The following ABAT variants were observed in gnomAD, a reference collection of about 807,000 sequenced individuals.
ABAT encodes the protein 4-aminobutyrate aminotransferase.
Under a neutral mutation model 64.6 loss-of-function variants are expected in ABAT, and 45 were observed. The ratio of observed to expected loss-of-function variants is 0.70; its 90% CI spans 0.55 to 0.89. The LOEUF is 0.89. Ranked by LOEUF, ABAT falls within the 40% of genes least tolerant of loss-of-function variation. ABAT has a pLI of 0.00. For missense variants in ABAT, 633 were observed against 658.4 expected (o/e 0.96, Z 0.42); for synonymous variants, 297 against 250.5 (o/e 1.19, Z -1.75).
chr16:8,761,895 C>T (rs1361020873), intron 6 of ABAT, among the ~76,000 whole-genome samples: 1 of 152,232 alleles, frequency 6.6e-6, no homozygotes, highest in Non-Finnish European at 1.5e-5. Context: ...ATGTGACTTC[C>T]TAAAAATGAA....
In ABAT at chr16:8,770,379, C is replaced by T. The variant is rs181275838; in HGVS notation, c.816+1406C>T. 2.9e-3 allele frequency among the ~76,000 whole-genome samples: 445 copies of T among 152,188 alleles called. 1 individual carries two copies. The highest frequency in any genetic ancestry group is 0.01 in the African/African-American group (416 of 41,520). ...GTCTCGATCTCCTGACCTTGTGATCCGCCCGCCTCGGCCTCCCAAAGTGCT... is the reference window on the plus strand; with the variant it reads ...GTCTCGATCTCCTGACCTTGTGATCTGCCCGCCTCGGCCTCCCAAAGTGCT... On this transcript the variant is annotated intron_variant, in intron 11 of 15. Transcript: ENST00000268251.
At position 8,781,812 on chromosome 16, in the gene ABAT, G is replaced by A. The variant is rs1028242419; in HGVS notation, c.*382G>A. 2.8e-6 allele frequency: 1 copy of A among 360,778 alleles called. No homozygotes were observed. The highest frequency in any genetic ancestry group is 5.4e-6 in the Non-Finnish European group (1 of 185,662). 22.3% of individuals were successfully genotyped at this position (360,778 alleles called of 1,614,324 possible). ...GGACTGGCAGCTGGGCCTCCTGGGT[G>A]CCAGTCCATCTCAAGTGCCATATTC... is the stretch of plus-strand genomic sequence containing the variant. On this transcript the variant is annotated 3_prime_UTR_variant, in exon 16 of 16. Coordinates refer to ENST00000268251, the MANE Select transcript of ABAT (RefSeq NM_020686.6). The surrounding 1 kb of genome is among the most constrained non-coding windows in gnomAD (Gnocchi z 4.5).
chr16:8,676,966 G>A (rs1217201231), intron 1 of ABAT, among the ~76,000 whole-genome samples: 1 of 152,196 alleles, frequency 6.6e-6, no homozygotes, highest in Non-Finnish European at 1.5e-5. Flanking sequence ...GGCTCTCTCT[G>A]TTTCTGCCCC....
chr16:8,761,511 A>C (rs2059797359), intron 6 of ABAT, among the ~76,000 whole-genome samples: 1 of 152,184 alleles, frequency 6.6e-6, no homozygotes, highest in African/African-American at 2.4e-5. Context: ...CAATGTGCCA[A>C]GCACTCTTTT....
At chr16:8,716,962 C>T (rs554961042) in intron 1 of ABAT, among the ~76,000 whole-genome samples, 35 of 152,270 alleles carry the variant, frequency 2.3e-4, no homozygotes, top group Non-Finnish European at 4.9e-4. Flanking sequence ...ACTTAGCACA[C>T]ATCCGAAAAA....
rs1158566609 is a variant in ABAT, at chr16:8,776,134, A to G, written c.1123-210A>G. Among the ~76,000 whole-genome samples, 2 of 152,168 alleles carry G rather than the reference A, an allele frequency of 1.3e-5. No homozygotes were observed. The highest frequency in any genetic ancestry group is 3.9e-4 in the East Asian group (2 of 5,194). On this transcript the variant is annotated intron_variant, in intron 13 of 15. Transcript: ENST00000268251. The surrounding 1 kb of genome is among the most constrained non-coding windows in gnomAD (Gnocchi z 4.4). ...TCCTACATGCAGGGCTGCTGTTGGA[A>G]GAATTCAGCAAGATTGGGTGTGTTC...
chr16:8,749,871 G>A (rs930120535), intron 4 of ABAT, among the ~76,000 whole-genome samples: 3 of 151,826 alleles, frequency 2.0e-5, no homozygotes, highest in South Asian at 2.1e-4. Flanking sequence ...GCACCACCAC[G>A]CCTGGCTAAT....
At chr16:8,696,593 C>T (rs2057708007) in intron 1 of ABAT, among the ~76,000 whole-genome samples, 1 of 152,130 alleles carries the variant, frequency 6.6e-6, no homozygotes, top group African/African-American at 2.4e-5. Context: ...GTACTCCAGC[C>T]TGGGTGACAC....
chr16:8,751,307 C>T (rs999422152), intron 5 of ABAT, among the ~76,000 whole-genome samples: 18 of 151,830 alleles, frequency 1.2e-4, no homozygotes, highest in South Asian at 4.2e-4. Flanking sequence ...AGGCTGGTCT[C>T]GAACTCCTGG....
chr16:8,713,952 T>G (rs1000948482), intron 1 of ABAT: 2 of 455,480 alleles, frequency 4.4e-6, no homozygotes, highest in African/African-American at 4.0e-5. Context: ...CCAGTGTCTG[T>G]CAGTGCCTGT....
intron 1 of ABAT, among the ~76,000 whole-genome samples, chr16:8,676,690 G>A (rs2057210268): frequency 6.6e-6 from 1 of 152,240 alleles, no homozygotes; most frequent in East Asian, 1.9e-4. Flanking sequence ...AGATGCTGGA[G>A]TGGAGGCTAC....
chr16:8,739,200 G>A (rs1187042361), intron 2 of ABAT, among the ~76,000 whole-genome samples: 1 of 152,158 alleles, frequency 6.6e-6, no homozygotes, highest in African/African-American at 2.4e-5. Flanking sequence ...GGCGCATGTG[G>A]CACCATCTTT....
chr16:8,753,553 G>A (rs919842412), intron 5 of ABAT, among the ~76,000 whole-genome samples: 2 of 152,204 alleles, frequency 1.3e-5, no homozygotes, highest in Non-Finnish European at 2.9e-5. Flanking sequence ...AGTAAGGCAC[G>A]CCACATCTGA....
At chr16:8,741,761 G>C (rs1437081004) in intron 2 of ABAT, among the ~76,000 whole-genome samples, 1 of 152,162 alleles carries the variant, frequency 6.6e-6, no homozygotes, top group African/African-American at 2.4e-5. Flanking sequence ...TTGAGATATA[G>C]AAGGAAAAGC....
intron 5 of ABAT, among the ~76,000 whole-genome samples, chr16:8,754,661 GATTTATTT>G (rs140099713): frequency 0.12 from 2,068 of 16,680 alleles, 107 homozygotes; most frequent in East Asian, 0.48. Context: ...TCAGCAAGTT[GATTTATTT>G]ATTTCTTTCT....
chr16:8,780,331 G>C (rs1036191457), intron 15 of ABAT: 1 of 160,524 alleles, frequency 6.2e-6, no homozygotes. Flanking sequence ...GGCAGACGCT[G>C]TGGTGAGATC....
Position 8,764,843 on chromosome 16 carries a change from GCACACACACA to G in ABAT, c.540+26_540+35del, listed in dbSNP as rs35745596. The G allele has an allele frequency of 1.4e-5, 22 of 1,533,208 alleles. No homozygotes were observed. Among genetic ancestry groups the G allele is most frequent in the African/African-American group, 4.2e-5 (3 of 71,728 alleles). 95.0% of individuals were successfully genotyped at this position (1,533,208 alleles called of 1,614,324 possible). On this transcript the variant is annotated intron_variant, in intron 8 of 15. Transcript: ENST00000268251. The surrounding 1 kb of genome is among the most constrained non-coding windows in gnomAD (Gnocchi z 4.2). ...CATGTGGTACCGGGTGAGGTTTGGG[GCACACACACA>G]CACACACACACAGGCTCCCCAGCAC...
chr16:8,713,567 C>A (rs2058127642), intron 1 of ABAT: 2 of 244,260 alleles, frequency 8.2e-6, no homozygotes, highest in African/African-American at 4.5e-5. Context: ...TCTTTCCCCT[C>A]CTCCTTCACC....
At chr16:8,712,236 A>C (rs1368006846) in intron 1 of ABAT, among the ~76,000 whole-genome samples, 1 of 152,168 alleles carries the variant, frequency 6.6e-6, no homozygotes, top group Non-Finnish European at 1.5e-5. Context: ...ATCTCATAAA[A>C]AAAGAAAAGA....
Sources: gnomAD v4.1 joint callset for allele counts (sites outside exome capture counted in the v4.1 genomes callset) on GRCh38, gnomAD v4.1.1 for gene constraint, Gnocchi (gnomAD v3.1) non-coding constraint, MANE v1.5 for transcripts, NCBI Gene and HGNC (gene_info 2026-07-23, HGNC 2026-07-21) for gene names.